EXOG: variants seen among roughly 807,000 people sequenced by gnomAD.
The protein encoded by EXOG is exo/endonuclease G, also known as nuclease EXOG, mitochondrial.
Under a neutral mutation model 25.8 loss-of-function variants are expected in EXOG, and 27 were observed. That is an observed-to-expected ratio of 1.05 (90% CI 0.77 to 1.45). The LOEUF is 1.45. EXOG is among the 40% of genes most tolerant of loss of function. EXOG has a pLI of 0.00. For synonymous variants in EXOG, 133 were observed against 167.0 expected (o/e 0.80, Z 1.57); for missense variants, 458 against 450.5 (o/e 1.02, Z -0.15).
In EXOG at chr3:38,513,106, G is replaced by T. The variant is rs377686940; in HGVS notation, c.645+6138G>T. Among the ~76,000 whole-genome samples, 35 of 152,284 alleles carry T rather than the reference G, an allele frequency of 2.3e-4. No individual in the cohort carries two copies. In the East Asian group the frequency reaches 5.6e-3, roughly 24 times the overall value. On this transcript the variant is annotated intron_variant, in intron 5 of 5. Transcript: ENST00000287675. Reference sequence around the variant, plus strand: ...CGTGAGCCACCACACCTGACTGTATGTTATTTTTTAATTAGTTTATAATGT... The same window carrying T: ...CGTGAGCCACCACACCTGACTGTATTTTATTTTTTAATTAGTTTATAATGT...
intron 4 of EXOG, among the ~76,000 whole-genome samples, chr3:38,505,806 TA>T (rs1466410876): frequency 2.7e-5 from 4 of 148,184 alleles, no homozygotes; most frequent in Admixed American, 6.7e-5. Context: ...ACACTAAAAA[TA>T]AAAAAAAAAT....
chr3:38,499,612 A>G (rs998102194), intron 2 of EXOG: 81 of 452,126 alleles, frequency 1.8e-4, no homozygotes, highest in African/African-American at 1.3e-3. Context: ...AAATGTTAGT[A>G]TATAAAAAGT....
intron 5 of EXOG, among the ~76,000 whole-genome samples, chr3:38,514,113 T>C (rs1371323631): frequency 6.6e-6 from 1 of 152,098 alleles, no homozygotes; most frequent in Non-Finnish European, 1.5e-5. Context: ...AGAAGGTAAA[T>C]TATAGAGGGA....
intron 1 of EXOG, 47 bp from the exon 2 acceptor site, chr3:38,497,582 G>A (rs753488546): frequency 2.0e-6 from 3 of 1,487,316 alleles, no homozygotes; most frequent in Non-Finnish European, 2.7e-6. Flanking sequence ...GTGTGTGTGT[G>A]TTTTTTTTGT....
chr3:38,513,559 C>T (rs200759437), intron 5 of EXOG, among the ~76,000 whole-genome samples: 2 of 63,554 alleles, frequency 3.1e-5, no homozygotes, highest in Admixed American at 1.8e-4. Context: ...TTTAAAAATA[C>T]TTTCTAATTC....
chr3:38,519,809 T>G (rs1423366904), intron 5 of EXOG, among the ~76,000 whole-genome samples: 1 of 152,222 alleles, frequency 6.6e-6, no homozygotes, highest in African/African-American at 2.4e-5. Flanking sequence ...AAGCATCTGC[T>G]GAGGCTCTAT....
At chr3:38,521,103 T>C (rs2060702327) in intron 5 of EXOG, among the ~76,000 whole-genome samples, 1 of 152,212 alleles carries the variant, frequency 6.6e-6, no homozygotes, top group South Asian at 2.1e-4. Context: ...CTAGGACCTG[T>C]CCCTATATTA....
At position 38,525,007 on chromosome 3, in the gene EXOG, T is replaced by C; in HGVS notation, c.*645T>C. 1 of 985,350 alleles carries C rather than the reference T, an allele frequency of 1.0e-6. No homozygotes were observed. The allele number at this position is 985,350 out of a possible 1,614,324, so 61.0% of individuals were successfully genotyped here. On this transcript the variant is annotated 3_prime_UTR_variant, in exon 6 of 6. Coordinates refer to ENST00000287675, the MANE Select transcript of EXOG (RefSeq NM_005107.4). ...ATCCTCTGTGTAGTTCCTGTCCACATGCACTATATATTTGTTTCTTTTTTC... is the reference window on the plus strand; with the variant it reads ...ATCCTCTGTGTAGTTCCTGTCCACACGCACTATATATTTGTTTCTTTTTTC...
rs1012381188 is a variant in EXOG at position 38,525,409 on chromosome 3, C to A, written c.*1047C>A. Reference sequence around the variant, plus strand: ...CTGAGGCATGCTTGGCAAGAAGAGTCTGGTTTCTCGTCTGCTATGCAAGCC... The same window carrying A: ...CTGAGGCATGCTTGGCAAGAAGAGTATGGTTTCTCGTCTGCTATGCAAGCC... On this transcript the variant is annotated 3_prime_UTR_variant, in exon 6 of 6. Transcript: ENST00000287675. The A allele has an allele frequency of 3.0e-6, 3 of 985,248 alleles. No homozygotes were observed. In the African/African-American group the frequency reaches 5.2e-5, roughly 17 times the overall value. 61.0% of individuals were successfully genotyped at this position (985,248 alleles called of 1,614,324 possible). A position where few individuals can be genotyped will look rare whatever the true frequency, so the allele number is the denominator to read the frequency against.
At chr3:38,503,150 T>C (rs2060098515) in intron 3 of EXOG, among the ~76,000 whole-genome samples, 1 of 152,228 alleles carries the variant, frequency 6.6e-6, no homozygotes, top group African/African-American at 2.4e-5. Context: ...GAGCCTTGTA[T>C]ATTTGGGTGA....
rs2060833615 is a variant in EXOG at position 38,524,826 on chromosome 3, A to G, written c.*464A>G. On this transcript the variant is annotated 3_prime_UTR_variant, in exon 6 of 6. Coordinates refer to ENST00000287675, the MANE Select transcript of EXOG (RefSeq NM_005107.4). ...TGCCCACAGATGACACTGCATTTGTATCCCTGTGGATGTAGAGTATTGGGA... is the reference window on the plus strand; with the variant it reads ...TGCCCACAGATGACACTGCATTTGTGTCCCTGTGGATGTAGAGTATTGGGA... The G allele has an allele frequency of 7.1e-6, 7 of 987,792 alleles. No individual in the cohort carries two copies. In the Admixed American group the frequency reaches 1.8e-4, roughly 26 times the overall value. 61.2% of individuals were successfully genotyped at this position (987,792 alleles called of 1,614,324 possible).
chr3:38,510,268 T>TA (rs2060327747), intron 5 of EXOG, among the ~76,000 whole-genome samples: 2 of 152,154 alleles, frequency 1.3e-5, no homozygotes, highest in African/African-American at 4.8e-5. Flanking sequence ...ATTAATAGAT[T>TA]AAAGAGTCAT....
Position 38,525,902 on chromosome 3 carries a change from C to T in EXOG, c.*1540C>T, listed in dbSNP as rs896726555. On this transcript the variant is annotated 3_prime_UTR_variant, in exon 6 of 6. Transcript: ENST00000287675. ...AAGGCTGCGATGGGACATGGTCATG[C>T]CACTGGACGCCAGCCTGGGCCACAG... 1.1e-5 allele frequency: 9 copies of T among 832,388 alleles called. No homozygotes were observed. Among genetic ancestry groups the T allele is most frequent in the Non-Finnish European group, 1.3e-5 (9 of 690,372 alleles). 51.6% of individuals were successfully genotyped at this position (832,388 alleles called of 1,614,324 possible). A position where few individuals can be genotyped will look rare whatever the true frequency, so the allele number is the denominator to read the frequency against.
rs918820116 is a variant in EXOG at position 38,525,671 on chromosome 3, G to A, written c.*1309G>A. 2.0e-6 allele frequency: 2 copies of A among 979,288 alleles called. No individual in the cohort carries two copies. The highest frequency in any genetic ancestry group is 3.5e-5 in the African/African-American group (2 of 57,244). The allele number at this position is 979,288 out of a possible 1,614,324, so 60.7% of individuals were successfully genotyped here. A position where few individuals can be genotyped will look rare whatever the true frequency, so the allele number is the denominator to read the frequency against. ...CTATGAAGGATCTGCAGCCAGGCAT[G>A]GTGGCTCAGGCCTATAATCTCAGCA... On this transcript the variant is annotated 3_prime_UTR_variant, in exon 6 of 6. Transcript: ENST00000287675.
At chr3:38,522,781 G>A (rs559312804) in intron 5 of EXOG, among the ~76,000 whole-genome samples, 20 of 152,324 alleles carry the variant, frequency 1.3e-4, no homozygotes, top group Non-Finnish European at 2.9e-4. Context: ...TGGGATTACA[G>A]GCATGAGCCA....
chr3:38,511,687 G>A (rs1296938104), intron 5 of EXOG, among the ~76,000 whole-genome samples: 3 of 152,168 alleles, frequency 2.0e-5, no homozygotes, highest in Non-Finnish European at 4.4e-5. Flanking sequence ...AAGGCAGGGT[G>A]GTTATAGTTG....
intron 5 of EXOG, among the ~76,000 whole-genome samples, chr3:38,517,079 A>T (rs2125792289): frequency 6.6e-6 from 1 of 152,336 alleles, no homozygotes; most frequent in South Asian, 2.1e-4. Context: ...CTTTGAGGCG[A>T]TGTAAGCATC....
chr3:38,502,505 A>G (rs1274284608), intron 3 of EXOG, among the ~76,000 whole-genome samples: 1 of 152,192 alleles, frequency 6.6e-6, no homozygotes, highest in Admixed American at 6.5e-5. Flanking sequence ...AAATTCTGCA[A>G]CCATTGACAA....
At chr3:38,523,786 G>C in intron 5 of EXOG, 115 bp from the exon 6 acceptor site, 2 of 657,118 alleles carry the variant, frequency 3.0e-6, no homozygotes, top group Non-Finnish European at 5.2e-6. Flanking sequence ...CATTAGAACA[G>C]AGTGGGATGG....
Sources: gnomAD v4.1 joint callset for allele counts (sites outside exome capture counted in the v4.1 genomes callset) on GRCh38, gnomAD v4.1.1 for gene constraint, MANE v1.5 for transcripts, NCBI Gene and HGNC (gene_info 2026-07-23, HGNC 2026-07-21) for gene names.